GMDS: variants seen among roughly 807,000 people sequenced by gnomAD.
GMDS encodes GDP-mannose 4,6 dehydratase.
A neutral mutation model predicts 49.9 loss-of-function variants in GMDS; 20 were observed. The ratio of observed to expected loss-of-function variants is 0.40; its 90% CI spans 0.28 to 0.58. The LOEUF is 0.58. Ranked by LOEUF, GMDS falls within the 20% of genes least tolerant of loss-of-function variation. The pLI, the probability that GMDS is intolerant of heterozygous loss-of-function variation, is 0.42. For synonymous variants in GMDS, 177 were observed against 178.6 expected, an observed-to-expected ratio of 0.99 and a Z score of 0.07; for missense variants, 362 against 481.4, an observed-to-expected ratio of 0.75 and a Z score of 2.32.
chr6:1,628,415 C>T (rs1224101311), intron 9 of GMDS, among the ~76,000 whole-genome samples: 1 of 152,206 alleles, frequency 6.6e-6, no homozygotes, highest in African/African-American at 2.4e-5. Context: ...CATTTATTGC[C>T]TGGGATCCTC....
At chr6:2,185,912 C>G (rs1449046409) in intron 1 of GMDS, among the ~76,000 whole-genome samples, 1 of 152,212 alleles carries the variant, frequency 6.6e-6, no homozygotes, top group Non-Finnish European at 1.5e-5. Context: ...CCCCAAAACT[C>G]TGCAGATTGT....
chr6:2,209,178 T>C (rs1230391605), intron 1 of GMDS, among the ~76,000 whole-genome samples: 1 of 152,218 alleles, frequency 6.6e-6, no homozygotes, highest in East Asian at 1.9e-4. Flanking sequence ...CTAACTATTC[T>C]GGTGTTAAAA....
intron 1 of GMDS, among the ~76,000 whole-genome samples, chr6:2,243,545 G>A (rs1051623542): frequency 6.6e-6 from 1 of 152,126 alleles, no homozygotes; most frequent in East Asian, 1.9e-4. Context: ...GGAAAAAAGG[G>A]AATCATCTGC....
At chr6:2,154,595 C>A (rs1345440797) in intron 1 of GMDS, among the ~76,000 whole-genome samples, 3 of 152,018 alleles carry the variant, frequency 2.0e-5, no homozygotes, top group Non-Finnish European at 4.4e-5. Flanking sequence ...GGTTTTTCCA[C>A]CTAAACTTAG....
chr6:1,860,525 CTAT>C (rs1758134027), intron 7 of GMDS, among the ~76,000 whole-genome samples: 1 of 152,134 alleles, frequency 6.6e-6, no homozygotes, highest in Admixed American at 6.5e-5. Context: ...ATGGATTGTT[CTAT>C]ATCTTGATGA....
intron 8 of GMDS, among the ~76,000 whole-genome samples, chr6:1,740,056 C>T (rs1247546778): frequency 6.6e-6 from 1 of 152,056 alleles, no homozygotes; most frequent in Non-Finnish European, 1.5e-5. Context: ...TGTTTGATTC[C>T]TACAGAGAAC....
At chr6:1,910,774 A>T (rs571182450) in intron 7 of GMDS, among the ~76,000 whole-genome samples, 197 of 152,300 alleles carry the variant, frequency 1.3e-3, no homozygotes, top group African/African-American at 4.4e-3. Context: ...TCTAGAGATA[A>T]ATTCCACAAG....
At chr6:1,952,261 A>T (rs1032090916) in intron 6 of GMDS, 3 of 152,228 alleles carry the variant, frequency 2.0e-5, no homozygotes, top group Non-Finnish European at 4.4e-5. Flanking sequence ...AATAGTATCT[A>T]ATGGCTTAAT....
At chr6:1,900,886 G>A (rs1053837743) in intron 7 of GMDS, among the ~76,000 whole-genome samples, 2 of 152,222 alleles carry the variant, frequency 1.3e-5, no homozygotes, top group Admixed American at 6.5e-5. Context: ...CACTCTCGAT[G>A]ATATCACTCA....
chr6:1,732,398 C>T (rs1465129103), intron 8 of GMDS, among the ~76,000 whole-genome samples: 1 of 152,130 alleles, frequency 6.6e-6, no homozygotes, highest in Non-Finnish European at 1.5e-5. Context: ...ATTCGTCAGT[C>T]ATGGTAATGT....
chr6:1,832,157 C>T (rs1319836177), intron 7 of GMDS, among the ~76,000 whole-genome samples: 1 of 151,288 alleles, frequency 6.6e-6, no homozygotes, highest in East Asian at 2.0e-4. Flanking sequence ...TGCTATATTG[C>T]CCAGGCTGGT....
In GMDS at chr6:1,640,474, G is replaced by T. The variant is rs1462561271; in HGVS notation, c.988-15934C>A. Among the ~76,000 whole-genome samples the T allele has an allele frequency of 6.6e-6, 1 of 152,118 alleles. No homozygotes were observed. The highest frequency in any genetic ancestry group is 1.5e-5 in the Non-Finnish European group (1 of 68,012). On this transcript the variant is annotated intron_variant, in intron 9 of 10. Coordinates refer to ENST00000380815, the MANE Select transcript of GMDS (RefSeq NM_001500.4). The surrounding 1 kb of genome is among the most constrained non-coding windows in gnomAD (Gnocchi z 4.0). ...GCCTCAGGTCCCTCTTTAAGTGTTG[G>T]CCACTCCCCAGCCTTGAACCTCCCT...
intron 4 of GMDS, among the ~76,000 whole-genome samples, chr6:2,058,336 C>G (rs1169564546): frequency 1.8e-5 from 2 of 109,344 alleles, no homozygotes; most frequent in Non-Finnish European, 3.6e-5. Flanking sequence ...CAGAGTAAGA[C>G]TCAAAAAAAA....
chr6:1,827,374 CGTTTTGGAAAACCTGT>C (rs761274791), intron 7 of GMDS, among the ~76,000 whole-genome samples: 75,897 of 143,302 alleles, frequency 0.53, 23,604 homozygotes, highest in African/African-American at 0.67. Context: ...TATATACACA[CGTTTTGGAAAACCTGT>C]ATATACACAC....
At chr6:2,017,797 A>C (rs553502084) in intron 4 of GMDS, among the ~76,000 whole-genome samples, 4 of 152,198 alleles carry the variant, frequency 2.6e-5, no homozygotes, top group Admixed American at 2.0e-4. Flanking sequence ...TTAACAACAA[A>C]GTAAGCCAGA....
At chr6:2,024,780 A>G (rs1053234419) in intron 4 of GMDS, among the ~76,000 whole-genome samples, 2 of 151,868 alleles carry the variant, frequency 1.3e-5, no homozygotes, top group Non-Finnish European at 2.9e-5. Context: ...AGCAATAAGT[A>G]TAAGTGCATT....
At chr6:1,879,104 G>A (rs547813137) in intron 7 of GMDS, among the ~76,000 whole-genome samples, 25 of 152,168 alleles carry the variant, frequency 1.6e-4, no homozygotes, top group African/African-American at 3.1e-4. Flanking sequence ...ACAAAGTTGC[G>A]ATAAAGATTA....
At chr6:2,123,273 T>C (rs1323802861) in intron 2 of GMDS, among the ~76,000 whole-genome samples, 1 of 152,198 alleles carries the variant, frequency 6.6e-6, no homozygotes, top group African/African-American at 2.4e-5. Flanking sequence ...ATGCTGCCTG[T>C]TAACACCACC....
intron 4 of GMDS, among the ~76,000 whole-genome samples, chr6:2,092,029 C>T (rs902317121): frequency 1.3e-5 from 2 of 152,168 alleles, no homozygotes; most frequent in Admixed American, 1.3e-4. Flanking sequence ...GGGAACAACC[C>T]TTTCTAAATA....
Sources: gnomAD v4.1 joint callset for allele counts (sites outside exome capture counted in the v4.1 genomes callset) on GRCh38, gnomAD v4.1.1 for gene constraint, Gnocchi (gnomAD v3.1) non-coding constraint, MANE v1.5 for transcripts, NCBI Gene and HGNC (gene_info 2026-07-23, HGNC 2026-07-21) for gene names.